Variants in NOP58 observed in about 807,000 individuals in gnomAD.
The protein encoded by NOP58 is nucleolar protein 58.
NOP58 carries 44 observed loss-of-function variants against 71.2 expected under a neutral mutation model. The observed-to-expected ratio is 0.62, with a 90% CI of 0.49 to 0.79. The LOEUF (loss-of-function observed/expected upper bound fraction) is 0.79. Ranked by LOEUF, NOP58 falls within the 30% of genes least tolerant of loss-of-function variation. The probability of loss-of-function intolerance (pLI) is 0.00; values close to 1 mark genes in which losing one functional copy is unlikely to be tolerated. For missense variants in NOP58, 538 were observed against 620.2 expected, an observed-to-expected ratio of 0.87 and a Z score of 1.41; for synonymous variants, 228 against 200.3, an observed-to-expected ratio of 1.14 and a Z score of -1.17.
At chr2:202,288,004 C>T (rs1483051017) in intron 6 of NOP58, among the ~76,000 whole-genome samples, 1 of 152,132 alleles carries the variant, frequency 6.6e-6, no homozygotes, top group Non-Finnish European at 1.5e-5. Context: ...ATCCCAGCTA[C>T]TCAGGAGGCT....
intron 6 of NOP58, among the ~76,000 whole-genome samples, chr2:202,287,966 T>A (rs974834505): frequency 6.6e-6 from 1 of 151,786 alleles, no homozygotes; most frequent in Non-Finnish European, 1.5e-5. Flanking sequence ...CAAAAAAAAT[T>A]AAATGTGCAT....
At chr2:202,273,355 A>C (rs1345008605) in intron 1 of NOP58, among the ~76,000 whole-genome samples, 1 of 152,224 alleles carries the variant, frequency 6.6e-6, no homozygotes, top group Non-Finnish European at 1.5e-5. Context: ...AAAGTTAGAG[A>C]TATTGCTACA....
chr2:202,276,554 C>T (rs1024912128), intron 2 of NOP58: 2 of 476,342 alleles, frequency 4.2e-6, no homozygotes, highest in African/African-American at 3.9e-5. Context: ...AAATACTACC[C>T]TGAGGCTGGG....
chr2:202,297,937 T>C (rs1689021589), intron 12 of NOP58, 31 bp downstream of exon 12: 5 of 1,321,664 alleles, frequency 3.8e-6, no homozygotes, highest in Non-Finnish European at 5.2e-6. Flanking sequence ...ATGGGGTGAA[T>C]AGTTTTTTTA....
At chr2:202,290,218 A>C in intron 6 of NOP58, 105 bp from the exon 7 acceptor site, 1 of 861,844 alleles carries the variant, frequency 1.2e-6, no homozygotes, top group Non-Finnish European at 1.7e-6. Flanking sequence ...GGGATTACAG[A>C]CATGAGCCAC....
At chr2:202,278,608 A>G (rs1688644467) in intron 3 of NOP58, among the ~76,000 whole-genome samples, 1 of 152,222 alleles carries the variant, frequency 6.6e-6, no homozygotes, top group African/African-American at 2.4e-5. Flanking sequence ...AATTGACTGC[A>G]GTAGGTCTTA....
At chr2:202,282,524 C>G in intron 4 of NOP58, 52 bp downstream of exon 4, 1 of 1,554,556 alleles carries the variant, frequency 6.4e-7, no homozygotes, top group Non-Finnish European at 8.7e-7. Flanking sequence ...TCACAGCATA[C>G]CAACTACAAA....
At chr2:202,293,541 A>G (rs937071502) in intron 9 of NOP58, among the ~76,000 whole-genome samples, 1 of 152,232 alleles carries the variant, frequency 6.6e-6, no homozygotes, top group Non-Finnish European at 1.5e-5. Flanking sequence ...ATTCATCAAA[A>G]AAGATTATAT....
chr2:202,283,086 G>A (rs995443630), intron 4 of NOP58, among the ~76,000 whole-genome samples: 23 of 152,090 alleles, frequency 1.5e-4, no homozygotes, highest in Non-Finnish European at 3.1e-4. Flanking sequence ...GGTGGCAGGC[G>A]CCTGTAGTCC....
chr2:202,303,163 C>T lies in NOP58; in HGVS notation c.1539+106C>T, dbSNP rs972823451. ...AGCAGGCATTTTAAAAAATGGTTTT[C>T]ATTGATGGAGAGGTAAAAGTGAAAT... On this transcript the variant is annotated intron_variant, in intron 14 of 14. Coordinates refer to ENST00000264279, the MANE Select transcript of NOP58 (RefSeq NM_015934.5). The T allele has an allele frequency of 4.3e-6, 6 of 1,388,072 alleles. No homozygotes were observed. In the African/African-American group the frequency reaches 5.8e-5, roughly 13 times the overall value. The allele number at this position is 1,388,072 out of a possible 1,614,324, so 86.0% of individuals were successfully genotyped here. A position where few individuals can be genotyped will look rare whatever the true frequency, so the allele number is the denominator to read the frequency against.
At chr2:202,292,675 G>A in intron 8 of NOP58, 102 bp from the exon 9 acceptor site, 2 of 888,226 alleles carry the variant, frequency 2.3e-6, no homozygotes, top group Admixed American at 4.0e-5. Flanking sequence ...CCAGGGTTGT[G>A]TAGCTGCTCT....
intron 8 of NOP58, among the ~76,000 whole-genome samples, chr2:202,291,915 G>T (rs1399408670): frequency 7.0e-6 from 1 of 143,488 alleles, no homozygotes; most frequent in Non-Finnish European, 1.5e-5. Flanking sequence ...AGATTTGAAG[G>T]TAGCCATATA....
rs1688923934 is a variant in NOP58, at chr2:202,292,681, G to C, written c.781-96G>C. The C allele has an allele frequency of 1.9e-5, 18 of 941,006 alleles. No homozygotes were observed. The South Asian group carries it at 2.5e-4, about 13-fold the overall frequency. 58.3% of individuals were successfully genotyped at this position (941,006 alleles called of 1,614,324 possible). On this transcript the variant is annotated intron_variant, in intron 8 of 14. Coordinates refer to ENST00000264279, the MANE Select transcript of NOP58 (RefSeq NM_015934.5). ...ACCCAGTACCCAGGGTTGTGTAGCT[G>C]CTCTTTCATAATTGAGGGCTCCAGT...
At chr2:202,301,180 T>C (rs1477910941) in intron 13 of NOP58, among the ~76,000 whole-genome samples, 2 of 151,970 alleles carry the variant, frequency 1.3e-5, no homozygotes, top group Non-Finnish European at 2.9e-5. Context: ...ATCCCACAAT[T>C]TCCCCCCTCT....
intron 11 of NOP58, 39 bp downstream of exon 11, chr2:202,297,552 G>A: frequency 6.3e-7 from 1 of 1,585,678 alleles, no homozygotes; most frequent in South Asian, 1.1e-5. Context: ...AGTATTACTT[G>A]TCAAAAGTTA....
intron 4 of NOP58, 45 bp downstream of exon 4, chr2:202,282,517 C>A: frequency 1.9e-6 from 3 of 1,565,108 alleles, no homozygotes; most frequent in Non-Finnish European, 2.6e-6. Flanking sequence ...TCAGATCTCA[C>A]AGCATACCAA....
rs975879902 is a variant in NOP58 at position 202,303,553 on chromosome 2, T to G, written c.*117T>G. 4 of 1,327,640 alleles carry G rather than the reference T, an allele frequency of 3.0e-6. No individual in the cohort carries two copies. Among genetic ancestry groups the G allele is most frequent in the East Asian group, 2.6e-5 (1 of 39,204 alleles). 82.2% of individuals were successfully genotyped at this position (1,327,640 alleles called of 1,614,324 possible). On this transcript the variant is annotated 3_prime_UTR_variant, in exon 15 of 15. Transcript: ENST00000264279. Reference sequence around the variant, plus strand: ...GGAAGGTTCAGTAAGACAAAGTGATTTATCATCTATAACTTCAAACCTATT... The same window carrying G: ...GGAAGGTTCAGTAAGACAAAGTGATGTATCATCTATAACTTCAAACCTATT...
intron 2 of NOP58, chr2:202,276,364 T>A: frequency 3.3e-6 from 1 of 301,298 alleles, no homozygotes; most frequent in East Asian, 9.1e-5. Context: ...AAGATGACAC[T>A]GTTTTAGGCA....
chr2:202,281,419 G>A (rs556237468), intron 3 of NOP58, among the ~76,000 whole-genome samples: 5 of 151,956 alleles, frequency 3.3e-5, no homozygotes, highest in South Asian at 4.2e-4. Context: ...GCCACCACGC[G>A]CAGCCCAAGC....
Sources: gnomAD v4.1 joint callset for allele counts (sites outside exome capture counted in the v4.1 genomes callset) on GRCh38, gnomAD v4.1.1 for gene constraint, MANE v1.5 for transcripts, NCBI Gene and HGNC (gene_info 2026-07-23, HGNC 2026-07-21) for gene names.